Variants in WDPCP observed in about 807,000 individuals in gnomAD.
WDPCP encodes WD repeat containing planar cell polarity effector.
A neutral mutation model predicts 93.1 loss-of-function variants in WDPCP; 71 were observed. The observed-to-expected ratio is 0.76, with a 90% CI of 0.63 to 0.93. The LOEUF is 0.93. WDPCP is among the 40% of genes least tolerant of loss of function. The probability of loss-of-function intolerance (pLI) is 0.00; values close to 1 mark genes in which losing one functional copy is unlikely to be tolerated. For synonymous variants in WDPCP, 315 were observed against 315.0 expected, an observed-to-expected ratio of 1.00 and a Z score of 0.00; for missense variants, 844 against 887.4, an observed-to-expected ratio of 0.95 and a Z score of 0.62.
chr2:63,575,995 AATTTT>A (rs1349788406), intron 1 of WDPCP, among the ~76,000 whole-genome samples: 1 of 152,060 alleles, frequency 6.6e-6, no homozygotes, highest in Non-Finnish European at 1.5e-5. Flanking sequence ...ACAGTTAAGT[AATTTT>A]ATTTTTTCAA....
intron 10 of WDPCP, among the ~76,000 whole-genome samples, chr2:63,385,993 CA>C (rs1692700709): frequency 6.6e-6 from 1 of 151,910 alleles, no homozygotes; most frequent in African/African-American, 2.4e-5. Flanking sequence ...CTCTTTCTGA[CA>C]ATTGGTGCTG....
upstream of WDPCP, chr2:63,589,205 C>A: frequency 6.3e-7 from 1 of 1,586,402 alleles, no homozygotes; most frequent in Non-Finnish European, 8.6e-7. Context: ...CCGCAGTGAC[C>A]CAGTAATGGG....
At position 63,461,708 on chromosome 2, in the gene WDPCP, TGTTG is replaced by T. The variant is rs1558665801; in HGVS notation, c.385-21841_385-21838del. 3.8e-3 allele frequency among the ~76,000 whole-genome samples: 578 copies of T among 152,336 alleles called. 3 individuals carry two copies. The highest frequency in any genetic ancestry group is 0.013 in the African/African-American group (541 of 41,568). ...TTTTAAAATTCAAATTATTGATTCATGTTGGAATATATAATACATTCATGTAGCT... is the reference window on the plus strand; with the variant it reads ...TTTTAAAATTCAAATTATTGATTCATGAATATATAATACATTCATGTAGCT... On this transcript the variant is annotated intron_variant, in intron 6 of 17. Coordinates refer to ENST00000272321, the MANE Select transcript of WDPCP (RefSeq NM_015910.7).
At chr2:63,810,567 G>A (rs1670849435) in intron 2 of WDPCP, among the ~76,000 whole-genome samples, 2 of 152,196 alleles carry the variant, frequency 1.3e-5, no homozygotes, top group Non-Finnish European at 2.9e-5. Context: ...TCTGAACCAG[G>A]AAGCAAGCTA....
rs540688957 is a variant in WDPCP, at chr2:63,404,058, C to T, written c.1425G>A (p.Leu475=). 3 of 1,613,936 alleles carry T rather than the reference C, an allele frequency of 1.9e-6. No individual in the cohort carries two copies. Among genetic ancestry groups the T allele is most frequent in the Non-Finnish European group, 2.5e-6 (3 of 1,179,974 alleles). Residue 475 remains leucine, a synonymous_variant, in exon 10 of 18, where the codon TTG becomes TTA. Coordinates refer to ENST00000272321, the MANE Select transcript of WDPCP (RefSeq NM_015910.7). ...RFERGPLGVL[L]FKLGVFTRGQ... is the part of the protein sequence containing the mutation. ...CTTTCCTTGACTTACCTAGTTTAAA[C>T]AACAGCACACCCAAAGGTCCTCTTT...
chr2:63,208,043 T>A (rs188694419), intron 14 of WDPCP, among the ~76,000 whole-genome samples: 17 of 152,306 alleles, frequency 1.1e-4, no homozygotes, highest in Admixed American at 9.8e-4. Context: ...TTGTTTCTTA[T>A]TCTTTCATTC....
intron 6 of WDPCP, among the ~76,000 whole-genome samples, chr2:63,459,146 A>G (rs545498167): frequency 6.6e-6 from 1 of 152,324 alleles, no homozygotes; most frequent in South Asian, 2.1e-4. Flanking sequence ...TCTTCAGGAC[A>G]TTGGTTTAGG....
chr2:63,836,427 T>C, the WDPCP span, among the ~76,000 whole-genome samples: 3 of 152,224 alleles, frequency 2.0e-5, no homozygotes, highest in Non-Finnish European at 4.4e-5. Context: ...ACAACTCTTC[T>C]CTGTGAGGAT....
intron 2 of WDPCP, among the ~76,000 whole-genome samples, chr2:63,796,966 G>C (rs1670626413): frequency 6.6e-6 from 1 of 152,102 alleles, no homozygotes; most frequent in South Asian, 2.1e-4. Context: ...AAGGGAAAGG[G>C]AAGATTAAAG....
intron 12 of WDPCP, among the ~76,000 whole-genome samples, chr2:63,325,527 T>G (rs1687466095): frequency 6.6e-6 from 1 of 152,326 alleles, no homozygotes; most frequent in South Asian, 2.1e-4. Flanking sequence ...GACACTGGTG[T>G]GGCCTTCTCA....
At chr2:63,123,889 T>C (rs925478424) in intron 17 of WDPCP, among the ~76,000 whole-genome samples, 1 of 150,694 alleles carries the variant, frequency 6.6e-6, no homozygotes, top group African/African-American at 2.4e-5. Flanking sequence ...ATATATATAA[T>C]TCTGTATCTT....
chr2:63,127,513 A>G (rs1669996016), intron 17 of WDPCP, among the ~76,000 whole-genome samples: 1 of 151,996 alleles, frequency 6.6e-6, no homozygotes, highest in African/African-American at 2.4e-5. Flanking sequence ...AAGATACTGT[A>G]TTCCATCAAG....
At chr2:63,271,756 C>A (rs1177174748) in intron 13 of WDPCP, among the ~76,000 whole-genome samples, 1 of 152,032 alleles carries the variant, frequency 6.6e-6, no homozygotes, top group African/African-American at 2.4e-5. Flanking sequence ...CCCACCAACA[C>A]TAGCACCTGC....
intron 2 of WDPCP, among the ~76,000 whole-genome samples, chr2:63,678,109 T>C (rs887022299): frequency 1.3e-5 from 2 of 152,228 alleles, no homozygotes; most frequent in African/African-American, 2.4e-5. Flanking sequence ...AAGAAATTAA[T>C]GCAAATGCCA....
At chr2:63,575,557 GTA>G (rs1258405051) in intron 1 of WDPCP, among the ~76,000 whole-genome samples, 1 of 140,176 alleles carries the variant, frequency 7.1e-6, no homozygotes. Context: ...AGTATATACA[GTA>G]TATATACTAT....
chr2:63,211,175 C>T (rs1005556316), intron 14 of WDPCP, among the ~76,000 whole-genome samples: 18 of 152,198 alleles, frequency 1.2e-4, no homozygotes, highest in Non-Finnish European at 2.5e-4. Flanking sequence ...GGGTCCCTGA[C>T]CCCCGAGTAG....
At chr2:63,416,196 T>A (rs1228386022) in intron 9 of WDPCP, among the ~76,000 whole-genome samples, 1 of 126,866 alleles carries the variant, frequency 7.9e-6, no homozygotes, top group East Asian at 2.2e-4. Context: ...AAATCTTTTT[T>A]TTCCTTTTTT....
intron 6 of WDPCP, among the ~76,000 whole-genome samples, chr2:63,446,213 G>A (rs1304878372): frequency 6.6e-6 from 1 of 152,114 alleles, no homozygotes; most frequent in Non-Finnish European, 1.5e-5. Context: ...ACCCATCTGT[G>A]GCCTGTTAGC....
intron 6 of WDPCP, among the ~76,000 whole-genome samples, chr2:63,459,846 G>A (rs927990031): frequency 6.6e-6 from 1 of 151,382 alleles, no homozygotes; most frequent in African/African-American, 2.4e-5. Context: ...GAACTTGGGA[G>A]GGGGAGGTTG....
Sources: gnomAD v4.1 joint callset for allele counts (sites outside exome capture counted in the v4.1 genomes callset) on GRCh38, gnomAD v4.1.1 for gene constraint, MANE v1.5 for transcripts, NCBI Gene and HGNC (gene_info 2026-07-23, HGNC 2026-07-21) for gene names.